Variants in STPG2 observed in about 807,000 individuals in gnomAD.
STPG2 encodes the protein sperm-tail PG-rich repeat-containing protein 2.
In STPG2, 56 loss-of-function variants were observed where a neutral mutation model predicts 54.2. The ratio of observed to expected loss-of-function variants is 1.03; its 90% CI spans 0.83 to 1.29. STPG2 has a LOEUF of 1.29. STPG2 is among the 50% of genes most tolerant of loss of function. The pLI is 0.00. For missense variants in STPG2, 596 were observed against 544.9 expected (o/e 1.09, Z -0.93); for synonymous variants, 200 against 181.8 (o/e 1.10, Z -0.81).
rs953896350 is a variant in STPG2, at chr4:97,723,102, G to A, written c.1205-10288C>T. On this transcript the variant is annotated intron_variant, in intron 9 of 10. Transcript: ENST00000295268. ...GCTGGGATTACAGGCGTGAGCCACC[G>A]CGCCCGGCCGAGTCCCTGCCAATTT... is the stretch of plus-strand genomic sequence containing the variant. Among the ~76,000 whole-genome samples the A allele has an allele frequency of 4.0e-5, 6 of 151,526 alleles. No individual in the cohort carries two copies. The East Asian group carries it at 5.9e-4, about 15-fold the overall frequency.
At chr4:98,074,153 G>T (rs145017875) in intron 5 of STPG2, among the ~76,000 whole-genome samples, 1 of 152,172 alleles carries the variant, frequency 6.6e-6, no homozygotes, top group Non-Finnish European at 1.5e-5. Flanking sequence ...TTATTAAAAT[G>T]TAATTCATGA....
At chr4:97,733,683 C>T (rs1468730160) in intron 9 of STPG2, among the ~76,000 whole-genome samples, 1 of 152,154 alleles carries the variant, frequency 6.6e-6, no homozygotes, top group African/African-American at 2.4e-5. Context: ...CCTGCAGTTC[C>T]TTCACTCACC....
intron 4 of STPG2, among the ~76,000 whole-genome samples, chr4:97,522,598 T>C (rs574878090): frequency 3.3e-5 from 5 of 152,188 alleles, no homozygotes; most frequent in African/African-American, 1.2e-4. Flanking sequence ...TCATTTATAA[T>C]AACACAAATT....
At chr4:97,850,579 A>G (rs2149130492) in intron 8 of STPG2, among the ~76,000 whole-genome samples, 1 of 152,050 alleles carries the variant, frequency 6.6e-6, no homozygotes, top group East Asian at 1.9e-4. Flanking sequence ...GTCATTATTT[A>G]TATTTCTGAT....
chr4:97,501,196 C>A (rs1291834360), intron 4 of STPG2, among the ~76,000 whole-genome samples: 1 of 151,880 alleles, frequency 6.6e-6, no homozygotes, highest in Non-Finnish European at 1.5e-5. Flanking sequence ...AAATATCTAG[C>A]CTTTAAATAT....
chr4:98,135,116 G>C (rs1283660093), intron 1 of STPG2, among the ~76,000 whole-genome samples: 3 of 151,796 alleles, frequency 2.0e-5, no homozygotes, highest in African/African-American at 2.4e-5. Context: ...AAGCAATGTG[G>C]ATATCAAAGA....
At chr4:97,702,224 T>G (rs982463902) in intron 10 of STPG2, among the ~76,000 whole-genome samples, 4 of 152,268 alleles carry the variant, frequency 2.6e-5, no homozygotes, top group South Asian at 2.1e-4. Context: ...AATAAGCTAT[T>G]AGAACCTTTT....
intron 10 of STPG2, among the ~76,000 whole-genome samples, chr4:97,659,296 C>G (rs942803266): frequency 6.6e-6 from 1 of 152,138 alleles, no homozygotes; most frequent in Non-Finnish European, 1.5e-5. Flanking sequence ...GTATGTGTAA[C>G]ATTTTAATCT....
chr4:97,675,732 G>T (rs1021718662), intron 10 of STPG2, among the ~76,000 whole-genome samples: 12 of 151,252 alleles, frequency 7.9e-5, no homozygotes, highest in Non-Finnish European at 1.3e-4. Context: ...CTTCCCTCCT[G>T]GGTTGACTTT....
chr4:97,865,794 A>T (rs1251049845), intron 8 of STPG2, among the ~76,000 whole-genome samples: 2 of 152,050 alleles, frequency 1.3e-5, no homozygotes, highest in Admixed American at 1.3e-4. Flanking sequence ...GCAGATGTAT[A>T]CATATGTAAC....
intron 4 of STPG2, among the ~76,000 whole-genome samples, chr4:97,447,788 G>T (rs187982168): frequency 6.6e-6 from 1 of 152,214 alleles, no homozygotes; most frequent in African/African-American, 2.4e-5. Flanking sequence ...CTCTGCTAGA[G>T]CAGTGTGGAA....
At chr4:98,003,347 T>G (rs529001345) in intron 5 of STPG2, among the ~76,000 whole-genome samples, 1 of 152,154 alleles carries the variant, frequency 6.6e-6, no homozygotes, top group Non-Finnish European at 1.5e-5. Flanking sequence ...TCATGCTCTG[T>G]TGGAACATTT....
chr4:97,635,267 A>G (rs528685478), intron 10 of STPG2, among the ~76,000 whole-genome samples: 4 of 152,346 alleles, frequency 2.6e-5, no homozygotes, highest in African/African-American at 7.2e-5. Context: ...GAGAAATAAA[A>G]TACTTTACAG....
At chr4:98,025,586 C>T in intron 5 of STPG2, 2 of 740,878 alleles carry the variant, frequency 2.7e-6, no homozygotes, top group East Asian at 2.5e-5. Flanking sequence ...TGCTTATGCC[C>T]ATATAGACAG....
chr4:97,717,641 T>G (rs1184097868), intron 9 of STPG2, among the ~76,000 whole-genome samples: 1 of 152,158 alleles, frequency 6.6e-6, no homozygotes, highest in Non-Finnish European at 1.5e-5. Flanking sequence ...GTCTTTCAAC[T>G]GCTGCTATAA....
At chr4:97,711,149 C>A (rs1237484450) in intron 10 of STPG2, among the ~76,000 whole-genome samples, 1 of 151,986 alleles carries the variant, frequency 6.6e-6, no homozygotes, top group South Asian at 2.1e-4. Context: ...GATTGGCTGA[C>A]ATTTATTATT....
chr4:97,630,500 T>A (rs1005461893), intron 10 of STPG2, among the ~76,000 whole-genome samples: 7 of 151,940 alleles, frequency 4.6e-5, no homozygotes, highest in Non-Finnish European at 1.0e-4. Flanking sequence ...ATTCTTCTGA[T>A]ATTTATTGTT....
chr4:97,701,812 T>C (rs1354256638), intron 10 of STPG2, among the ~76,000 whole-genome samples: 5 of 152,220 alleles, frequency 3.3e-5, no homozygotes, highest in Admixed American at 3.3e-4. Flanking sequence ...GCTTTGTCTC[T>C]GCTGTCCATC....
At chr4:97,892,734 C>T (rs899193961) in intron 8 of STPG2, among the ~76,000 whole-genome samples, 5 of 152,300 alleles carry the variant, frequency 3.3e-5, no homozygotes, top group East Asian at 1.9e-4. Context: ...ACAGGGCTGC[C>T]TTTGCATATT....
Sources: gnomAD v4.1 joint callset for allele counts (sites outside exome capture counted in the v4.1 genomes callset) on GRCh38, gnomAD v4.1.1 for gene constraint, MANE v1.5 for transcripts, NCBI Gene and HGNC (gene_info 2026-07-23, HGNC 2026-07-21) for gene names.